RCBTB2: variants seen among roughly 807,000 people sequenced by gnomAD.
RCBTB2 encodes the protein RCC1 and BTB domain containing protein 2.
RCBTB2 carries 55 observed loss-of-function variants against 65.4 expected under a neutral mutation model. That is an observed-to-expected ratio of 0.84 (90% CI 0.68 to 1.05). The LOEUF is 1.05. Among genes scored for constraint, RCBTB2 ranks in the 50% least tolerant of loss-of-function variants. The pLI is 0.00. For synonymous variants in RCBTB2, 220 were observed against 255.2 expected, an observed-to-expected ratio of 0.86 and a Z score of 1.31; for missense variants, 599 against 680.1, an observed-to-expected ratio of 0.88 and a Z score of 1.33.
At chr13:48,530,161 C>A (rs1446312513) in intron 1 of RCBTB2, among the ~76,000 whole-genome samples, 1 of 152,100 alleles carries the variant, frequency 6.6e-6, no homozygotes, top group African/African-American at 2.4e-5. Context: ...TGGTCTCCCC[C>A]AAAGCGCTGG....
At chr13:48,512,705 G>T (rs1296998991) in intron 7 of RCBTB2, 24 bp downstream of exon 7, 1 of 1,596,338 alleles carries the variant, frequency 6.3e-7, no homozygotes, top group South Asian at 1.1e-5. Context: ...AAAAATCAAT[G>T]AGCTTTATGC....
intron 1 of RCBTB2, among the ~76,000 whole-genome samples, chr13:48,526,647 G>T (rs184714579): frequency 6.6e-6 from 1 of 152,316 alleles, no homozygotes; most frequent in East Asian, 1.9e-4. Flanking sequence ...GGGCGCGGTG[G>T]CTCATGCCTG....
chr13:48,503,544 A>ATTT (rs67880636), intron 10 of RCBTB2, among the ~76,000 whole-genome samples: 24 of 148,462 alleles, frequency 1.6e-4, no homozygotes, highest in African/African-American at 5.9e-4. Flanking sequence ...TCTCAGAACA[A>ATTT]TTTTTTTTTT....
chr13:48,515,704 T>C lies in RCBTB2; in HGVS notation c.80A>G (p.Asp27Gly). 1.2e-6 allele frequency: 2 copies of C among 1,613,256 alleles called. No individual in the cohort carries two copies. The highest frequency in any genetic ancestry group is 3.3e-4 in the Middle Eastern group (2 of 6,056). Residue 27 changes from aspartate (D) to glycine (G), a missense_variant, in exon 5 of 15, where the codon GAT becomes GGT. By Grantham distance (94) the Asp-to-Gly change is moderately conservative. Coordinates refer to ENST00000344532, the MANE Select transcript of RCBTB2 (RefSeq NM_001268.4). ...GGAAAAAATTGGCCACTTTCCCACA[T>C]CTAACATCTTCAAAGATGACAGAGT... ...QATLSSLKML[D>G]VGKWPIFSLC... is the part of the protein sequence containing the mutation.
At chr13:48,532,695 C>CGGCGGCCTGGGCA (rs1952220225) in intron 1 of RCBTB2, 1 of 267,996 alleles carries the variant, frequency 3.7e-6, no homozygotes, top group Admixed American at 5.4e-5. Context: ...CAGCCTGGGC[C>CGGCGGCCTGGGCA]GGCGGCCTGG....
upstream of RCBTB2, among the ~76,000 whole-genome samples, chr13:48,535,379 C>T (rs554669559): frequency 6.4e-4 from 98 of 152,108 alleles, no homozygotes; most frequent in Non-Finnish European, 5.6e-4. Context: ...CCTAAGCCTC[C>T]CAAGTAGTTG....
chr13:48,497,676 G>A (rs1353314241), intron 13 of RCBTB2, among the ~76,000 whole-genome samples: 1 of 152,122 alleles, frequency 6.6e-6, no homozygotes. Flanking sequence ...TAAAGAGCAG[G>A]GATTTCATCA....
intron 14 of RCBTB2, chr13:48,491,584 G>A (rs1200613715): frequency 1.3e-5 from 2 of 152,164 alleles, no homozygotes; most frequent in Non-Finnish European, 2.9e-5. Flanking sequence ...GCACACAAAA[G>A]TGAAACCAGA....
At chr13:48,512,955 A>G (rs1283022588) in intron 6 of RCBTB2, 60 bp from the exon 7 acceptor site, 1 of 1,391,250 alleles carries the variant, frequency 7.2e-7, no homozygotes, top group Non-Finnish European at 1.0e-6. Flanking sequence ...ATACGAAAAT[A>G]TATGTAGCAC....
chr13:48,515,848 T>G lies in RCBTB2; in HGVS notation c.43-107A>C, dbSNP rs41284772. The G allele has an allele frequency of 8.2e-3, 9,395 of 1,143,800 alleles. 49 individuals carry two copies. The highest frequency in any genetic ancestry group is 9.7e-3 in the Non-Finnish European group (7,888 of 814,124). The allele number at this position is 1,143,800 out of a possible 1,614,324, so 70.9% of individuals were successfully genotyped here. ...AACACTGGTTTTGGGAGGAACACAC[T>G]GCATCCATTTTTGAGAGGCCTCTCG... On this transcript the variant is annotated intron_variant, in intron 4 of 14. Transcript: ENST00000344532.
In RCBTB2 at chr13:48,518,404, C is replaced by T. The variant is rs561082892; in HGVS notation, c.43-2663G>A. 3.4e-3 allele frequency among the ~76,000 whole-genome samples: 493 copies of T among 146,202 alleles called. 1 individual carries two copies. Among genetic ancestry groups the T allele is most frequent in the Non-Finnish European group, 5.8e-3 (390 of 67,306 alleles). On this transcript the variant is annotated intron_variant, in intron 4 of 14. Transcript: ENST00000344532. ...CACCAACAGTTGGTTCTCCCATTCACTTTTGAAACAGTGCTTACTGTTTCT... is the reference window on the plus strand; with the variant it reads ...CACCAACAGTTGGTTCTCCCATTCATTTTTGAAACAGTGCTTACTGTTTCT...
At chr13:48,529,224 C>T (rs1202901327) in intron 1 of RCBTB2, among the ~76,000 whole-genome samples, 2 of 152,034 alleles carry the variant, frequency 1.3e-5, no homozygotes, top group East Asian at 3.8e-4. Context: ...TTTTAAATCT[C>T]GGTCCTTATA....
chr13:48,501,651 T>C, intron 12 of RCBTB2, 91 bp downstream of exon 12: 1 of 1,088,840 alleles, frequency 9.2e-7, no homozygotes, highest in East Asian at 2.4e-5. Context: ...CAATTTTTCT[T>C]GATTACTGAG....
intron 1 of RCBTB2, 127 bp from the exon 2 acceptor site, chr13:48,524,884 T>C (rs1372733396): frequency 6.6e-6 from 1 of 152,200 alleles, no homozygotes; most frequent in Non-Finnish European, 1.5e-5. Context: ...GTATCTGTGC[T>C]ATCTACTATT....
rs114272897 is a variant in RCBTB2 at position 48,507,363 on chromosome 13, G to A, written c.926+3266C>T. On this transcript the variant is annotated intron_variant, in intron 10 of 14. Coordinates refer to ENST00000344532, the MANE Select transcript of RCBTB2 (RefSeq NM_001268.4). The stretch of plus-strand genomic sequence containing the variant: ...CTCACACCAAGCAGCAAACACCGAC[G>A]TTCCAATTTTCCAGCCAGACATGCG... Among the ~76,000 whole-genome samples the A allele has an allele frequency of 6.2e-3, 940 of 152,308 alleles. 10 individuals are homozygous for A. Among genetic ancestry groups the A allele is most frequent in the African/African-American group, 0.022 (898 of 41,558 alleles).
At chr13:48,503,415 G>A (rs1030982671) in intron 10 of RCBTB2, among the ~76,000 whole-genome samples, 5 of 152,186 alleles carry the variant, frequency 3.3e-5, no homozygotes, top group Admixed American at 1.3e-4. Flanking sequence ...ATTGCACAGA[G>A]TAAATTCAGT....
intron 13 of RCBTB2, among the ~76,000 whole-genome samples, 180 bp from the exon 14 acceptor site, chr13:48,496,501 G>A (rs540262083): frequency 1.3e-5 from 2 of 152,150 alleles, no homozygotes; most frequent in East Asian, 3.9e-4. Flanking sequence ...CAGGATGGCA[G>A]CCAAGCTGAG....
chr13:48,524,557 T>C (rs1369394869), intron 2 of RCBTB2, 102 bp downstream of exon 2: 3 of 152,218 alleles, frequency 2.0e-5, no homozygotes, highest in Admixed American at 1.3e-4. Flanking sequence ...GACCCTCCAC[T>C]GTATTTCAGG....
intron 10 of RCBTB2, among the ~76,000 whole-genome samples, chr13:48,509,730 GA>G (rs763087308): frequency 1.3e-5 from 2 of 152,172 alleles, no homozygotes; most frequent in Non-Finnish European, 2.9e-5. Context: ...ATACCCAAAT[GA>G]AAACTGAGGC....
Sources: allele counts gnomAD v4.1 joint callset (sites outside exome capture counted in the v4.1 genomes callset), GRCh38; gene constraint gnomAD v4.1.1; transcripts MANE v1.5; gene names NCBI Gene and HGNC (gene_info 2026-07-23, HGNC 2026-07-21).